Variants in QRICH2 observed in about 807,000 individuals in gnomAD.
QRICH2 encodes the protein glutamine rich 2, also known as glutamine-rich protein 2.
In QRICH2, 119 loss-of-function variants were observed where a neutral mutation model predicts 168.3. The ratio of observed to expected loss-of-function variants is 0.71; its 90% confidence interval spans 0.61 to 0.82. The LOEUF is 0.82. Among genes scored for constraint, QRICH2 ranks in the 40% least tolerant of loss-of-function variants. QRICH2 has a pLI of 0.00. For synonymous variants in QRICH2, 894 were observed against 951.2 expected (o/e 0.94, Z 1.11); for missense variants, 2,241 against 2,491.6 (o/e 0.90, Z 2.14).
chr17:76,287,133 C>T (rs346786), intron 7 of QRICH2, 59 bp downstream of exon 7: 146,395 of 1,196,774 alleles, frequency 0.12, 10,263 homozygotes, highest in Admixed American at 0.21. Context: ...GAGGGCAGGG[C>T]CAAGCCAGCT....
intron 3 of QRICH2, among the ~76,000 whole-genome samples, chr17:76,299,038 A>AG (rs2070853150): frequency 6.6e-6 from 1 of 152,026 alleles, no homozygotes; most frequent in Non-Finnish European, 1.5e-5. Flanking sequence ...AAACTTCTGT[A>AG]GGGGGCCCTC....
chr17:76,303,923 G>GT (rs2070946972), intron 3 of QRICH2, among the ~76,000 whole-genome samples: 1 of 150,054 alleles, frequency 6.7e-6, no homozygotes, highest in African/African-American at 2.5e-5. Context: ...CCCCTACAGA[G>GT]GTTTTACTTC....
chr17:76,301,960 C>T (rs1189845656), intron 3 of QRICH2, among the ~76,000 whole-genome samples: 4 of 151,372 alleles, frequency 2.6e-5, no homozygotes, highest in African/African-American at 9.7e-5. Flanking sequence ...AGTGCAGTGG[C>T]ACGATCTTAG....
chr17:76,308,098 C>T lies in QRICH2; in HGVS notation c.-100G>A. 1.6e-6 allele frequency: 2 copies of T among 1,222,412 alleles called. No individual in the cohort carries two copies. The highest frequency in any genetic ancestry group is 6.5e-5 in the East Asian group (2 of 30,878). The allele number at this position is 1,222,412 out of a possible 1,614,324, so 75.7% of individuals were successfully genotyped here. On this transcript the variant is annotated 5_prime_UTR_variant, in exon 1 of 19. Coordinates refer to ENST00000680821, the MANE Select transcript of QRICH2 (RefSeq NM_001388453.1). Reference sequence around the variant, plus strand: ...GGGCCTTTCGGGGGCCCTGCGAGGTCCTCGGGGCGCCCCTGCCCCGGGTCC... The same window carrying T: ...GGGCCTTTCGGGGGCCCTGCGAGGTTCTCGGGGCGCCCCTGCCCCGGGTCC...
chr17:76,288,311 G>C (rs1354529132), intron 5 of QRICH2, among the ~76,000 whole-genome samples: 1 of 149,320 alleles, frequency 6.7e-6, no homozygotes, highest in Non-Finnish European at 1.5e-5. Flanking sequence ...TTGAACCTAG[G>C]AGGCAGAGGT....
chr17:76,280,992 G>A lies in QRICH2; in HGVS notation c.4264-39C>T, dbSNP rs761749820. On this transcript the variant is annotated intron_variant, in intron 8 of 18. Transcript: ENST00000680821. The surrounding 1 kb of genome is among the most constrained non-coding windows in gnomAD (Gnocchi z 7.4). ...GATGGGAAGGCTCTCGGAGGCTGCT[G>A]GCGCGATCCCACCCCCTGCTGCCAT... is the stretch of plus-strand genomic sequence containing the variant. 9 of 1,594,824 alleles carry A rather than the reference G, an allele frequency of 5.6e-6. No individual in the cohort carries two copies. Among genetic ancestry groups the A allele is most frequent in the East Asian group, 2.2e-5 (1 of 44,720 alleles).
chr17:76,303,791 T>C (rs557323611), intron 3 of QRICH2, among the ~76,000 whole-genome samples: 230 of 145,662 alleles, frequency 1.6e-3, no homozygotes, highest in South Asian at 4.1e-3. Flanking sequence ...GAGAATGGCG[T>C]GAACCCGGGA....
chr17:76,298,596 G>T (rs1435926319), intron 3 of QRICH2, among the ~76,000 whole-genome samples: 1 of 151,920 alleles, frequency 6.6e-6, no homozygotes, highest in African/African-American at 2.4e-5. Flanking sequence ...GGAATTAAAG[G>T]CGTGAGCAAC....
chr17:76,288,890 G>T (rs1329726928), intron 5 of QRICH2, among the ~76,000 whole-genome samples: 1 of 151,802 alleles, frequency 6.6e-6, no homozygotes, highest in Non-Finnish European at 1.5e-5. Flanking sequence ...AGATCACAAG[G>T]TCAGGAAATC....
chr17:76,281,941 G>C lies in QRICH2; in HGVS notation c.4186C>G (p.Arg1396Gly). 6.2e-7 allele frequency: 1 copy of C among 1,613,854 alleles called. No individual in the cohort carries two copies. Among genetic ancestry groups the C allele is most frequent in the Non-Finnish European group, 8.5e-7 (1 of 1,180,008 alleles). Residue 1396 changes from arginine (R) to glycine (G), a missense_variant, in exon 8 of 19, where the codon CGC (arginine) becomes GGC (glycine). By Grantham distance (125) the Arg-to-Gly change is moderately radical. Around this residue, in one of 3 missense-constraint regions of QRICH2, gnomAD observed 2,047 missense variants for 2,303.8 expected, o/e 0.89. Coordinates refer to ENST00000680821, the MANE Select transcript of QRICH2 (RefSeq NM_001388453.1). This position sits in a 1 kb window ranked among gnomAD's most constrained non-coding sequence, Gnocchi z 4.4. The part of the protein sequence containing the change: ...VSHQVSTLVR[R>G]YEQLQDMVNS... Reference sequence around the variant, plus strand: ...ACCATGTCTTGGAGTTGCTCATAGCGCCGCACCAGCGTGCTGACCTGATGG... The same window carrying C: ...ACCATGTCTTGGAGTTGCTCATAGCCCCGCACCAGCGTGCTGACCTGATGG...
intron 3 of QRICH2, among the ~76,000 whole-genome samples, chr17:76,295,746 A>G (rs1332610981): frequency 6.6e-6 from 1 of 152,210 alleles, no homozygotes; most frequent in Non-Finnish European, 1.5e-5. Flanking sequence ...ATGCCAAGCT[A>G]TACATACAAT....
chr17:76,279,037 A>C lies in QRICH2; in HGVS notation c.4916+4T>G, dbSNP rs759341035. The C allele has an allele frequency of 1.2e-6, 2 of 1,612,426 alleles. No individual in the cohort carries two copies. The highest frequency in any genetic ancestry group is 1.7e-6 in the Non-Finnish European group (2 of 1,178,946). ...TATGTCCCATATGCTGTCCCATAGC[A>C]TACTTGCGGCTATGCTGCCGGACCT... is the stretch of plus-strand genomic sequence containing the variant. On this transcript the variant is annotated splice_donor_region_variant and intron_variant, in intron 14 of 18. Transcript: ENST00000680821.
At position 76,291,211 on chromosome 17, in the gene QRICH2, C is replaced by A. The variant is rs368746715; in HGVS notation, c.3516G>T (p.Ser1172=). 1.4e-5 allele frequency: 23 copies of A among 1,614,178 alleles called. No homozygotes were observed. The East Asian group carries it at 4.9e-4, about 34-fold the overall frequency. The stretch of plus-strand genomic sequence containing the variant: ...TGCGTCGCTCACTCAGGACTTCACT[C>A]GAGACTTCGCTCCCTTCTGATAAGA... ...DRVLSEGSEV[S]SEVLSERRNS... The change falls in exon 4 of 19, where the codon TCG becomes TCT. Residue 1172 remains serine (S), a synonymous_variant. Coordinates refer to ENST00000680821, the MANE Select transcript of QRICH2 (RefSeq NM_001388453.1).
At position 76,291,462 on chromosome 17, in the gene QRICH2, C is replaced by T; in HGVS notation, c.3265G>A (p.Val1089Ile). The T allele has an allele frequency of 5.0e-6, 8 of 1,614,112 alleles. 1 individual carries two copies. Among genetic ancestry groups the T allele is most frequent in the South Asian group, 3.3e-5 (3 of 91,084 alleles). Residue 1089 changes from valine (V) to isoleucine (I), a missense_variant, in exon 4 of 19, where the codon GTA becomes ATA. Coordinates refer to ENST00000680821, the MANE Select transcript of QRICH2 (RefSeq NM_001388453.1). ...ASPGPGEHDQ[V>I]YPDAAQHGHA... ...CCATGCTGAGCTGCATCTGGGTATA[C>T]CTGGTCATGCTCACCTGGGCCAGGT...
At chr17:76,304,282 C>T in intron 3 of QRICH2, 133 bp downstream of exon 3, 1 of 611,422 alleles carries the variant, frequency 1.6e-6, no homozygotes, top group Non-Finnish European at 2.9e-6. Context: ...TTGGAAAAAG[C>T]ATTTAAAACA....
chr17:76,279,646 T>G (rs1568106204), intron 12 of QRICH2, among the ~76,000 whole-genome samples: 1 of 152,084 alleles, frequency 6.6e-6, no homozygotes, highest in Non-Finnish European at 1.5e-5. Flanking sequence ...GAGGGTGCCC[T>G]GTGCAAGTCT....
At position 76,304,538 on chromosome 17, in the gene QRICH2, G is replaced by A. The variant is rs1383758390; in HGVS notation, c.595-13C>T. On this transcript the variant is annotated splice_polypyrimidine_tract_variant and intron_variant, in intron 2 of 18. Transcript: ENST00000680821. ...GGCTGACTAGTTCCTGACAGTGACA[G>A]AAAAGACACACACATACACCCCTTG... 6.3e-7 allele frequency: 1 copy of A among 1,577,268 alleles called. No homozygotes were observed. Among genetic ancestry groups the A allele is most frequent in the African/African-American group, 1.3e-5 (1 of 74,194 alleles).
At chr17:76,288,250 G>A (rs2070925717) in intron 5 of QRICH2, among the ~76,000 whole-genome samples, 2 of 151,914 alleles carry the variant, frequency 1.3e-5, no homozygotes, top group Admixed American at 6.6e-5. Flanking sequence ...TGGGCGTGGT[G>A]GCTGGCGCCT....
chr17:76,279,489 T>C (rs2070748305), intron 12 of QRICH2, 61 bp from the exon 13 acceptor site: 4 of 1,393,914 alleles, frequency 2.9e-6, no homozygotes, highest in Admixed American at 1.9e-5. Flanking sequence ...CAGAAGGGCT[T>C]GGGGCTCTGC....
Sources: allele counts gnomAD v4.1 joint callset (sites outside exome capture counted in the v4.1 genomes callset), GRCh38; gene constraint gnomAD v4.1.1; regional missense constraint gnomAD v4.1.1; non-coding constraint Gnocchi (gnomAD v3.1); transcripts MANE v1.5; gene names NCBI Gene and HGNC (gene_info 2026-07-23, HGNC 2026-07-21).